Variants in BMPER observed in about 807,000 individuals in gnomAD.
The protein encoded by BMPER is BMP-binding endothelial regulator protein.
Under a neutral mutation model 87.3 loss-of-function variants are expected in BMPER, and 45 were observed. The ratio of observed to expected loss-of-function variants is 0.52; its 90% CI spans 0.41 to 0.66. BMPER has a LOEUF of 0.66. Ranked by LOEUF, BMPER falls within the 30% of genes least tolerant of loss-of-function variation. The pLI, the probability that BMPER is intolerant of heterozygous loss-of-function variation, is 0.00. For missense variants in BMPER, 784 were observed against 867.5 expected (o/e 0.90, Z 1.21); for synonymous variants, 326 against 316.2 (o/e 1.03, Z -0.33).
At chr7:34,131,468 CT>C (rs1382169790) in intron 13 of BMPER, among the ~76,000 whole-genome samples, 4 of 152,164 alleles carry the variant, frequency 2.6e-5, no homozygotes, top group Non-Finnish European at 5.9e-5. Flanking sequence ...CTCTGCCGCC[CT>C]TTGATTAATG....
chr7:34,083,708 G>A lies in BMPER; in HGVS notation c.1409-2048G>A, dbSNP rs372657080. On this transcript the variant is annotated intron_variant, in intron 12 of 14. Transcript: ENST00000649409. ...GTATTGGCTTAGGAGTCTTACCTCT[G>A]GGTGTTTCTTCCTGATCTTCCACAC... Among the ~76,000 whole-genome samples, 4 of 152,176 alleles carry A rather than the reference G, an allele frequency of 2.6e-5. No homozygotes were observed. The South Asian group carries it at 8.3e-4, about 32-fold the overall frequency.
chr7:34,153,049 G>A (rs533518825), intron 14 of BMPER, 43 bp from the exon 15 acceptor site: 323 of 1,609,680 alleles, frequency 2.0e-4, no homozygotes, highest in Non-Finnish European at 2.6e-4. Context: ...GAATTAATGG[G>A]GCCTTTCTCC....
intron 3 of BMPER, among the ~76,000 whole-genome samples, chr7:33,960,998 A>G (rs1562654395): frequency 1.3e-5 from 2 of 152,180 alleles, no homozygotes; most frequent in Non-Finnish European, 2.9e-5. Context: ...TGAGTCTTGA[A>G]AAAGGATGAG....
chr7:34,016,921 A>C (rs1304336199), intron 6 of BMPER, among the ~76,000 whole-genome samples: 1 of 151,948 alleles, frequency 6.6e-6, no homozygotes, highest in Non-Finnish European at 1.5e-5. Flanking sequence ...TTTTATTAGA[A>C]GGAACACAAA....
intron 3 of BMPER, 83 bp downstream of exon 3, chr7:33,937,471 C>T: frequency 7.0e-7 from 1 of 1,430,098 alleles, no homozygotes; most frequent in Non-Finnish European, 9.8e-7. Context: ...CCTTTTCACT[C>T]AGCTTTTGGC....
chr7:33,922,084 C>T (rs1166713193), intron 2 of BMPER: 1 of 313,972 alleles, frequency 3.2e-6, no homozygotes, highest in Non-Finnish European at 6.4e-6. Flanking sequence ...CCTTTCTTTC[C>T]CTGCTGAGGG....
intron 6 of BMPER, among the ~76,000 whole-genome samples, chr7:33,979,150 C>T (rs920205347): frequency 5.3e-5 from 8 of 152,000 alleles, no homozygotes; most frequent in African/African-American, 7.2e-5. Flanking sequence ...AATATGTATG[C>T]GTATATGTGC....
chr7:34,019,783 A>G (rs1193980296), intron 6 of BMPER, among the ~76,000 whole-genome samples: 18 of 151,952 alleles, frequency 1.2e-4, no homozygotes, highest in Non-Finnish European at 1.0e-4. Flanking sequence ...ACTAGCAATT[A>G]CAGAGTAGCA....
chr7:33,984,036 T>C (rs750517766), intron 6 of BMPER, among the ~76,000 whole-genome samples: 3 of 152,200 alleles, frequency 2.0e-5, no homozygotes, highest in Non-Finnish European at 4.4e-5. Flanking sequence ...ATATCTGTTA[T>C]CCTCAGGTAA....
At chr7:34,107,547 G>A (rs10271544) in intron 13 of BMPER, among the ~76,000 whole-genome samples, 81,960 of 151,980 alleles carry the variant, frequency 0.54, 23,044 homozygotes, top group East Asian at 0.79. Context: ...TATGTAATTT[G>A]GATTTCGAGT....
chr7:34,147,169 C>T (rs1791050269), intron 14 of BMPER, among the ~76,000 whole-genome samples: 1 of 152,126 alleles, frequency 6.6e-6, no homozygotes, highest in African/African-American at 2.4e-5. Context: ...CTCTGCAAAC[C>T]CCAGATGGTT....
intron 6 of BMPER, among the ~76,000 whole-genome samples, chr7:34,023,127 G>C (rs1377446603): frequency 1.3e-5 from 2 of 151,994 alleles, no homozygotes; most frequent in Non-Finnish European, 2.9e-5. Flanking sequence ...TCATGTTGTA[G>C]GCCTTCAAAT....
intron 6 of BMPER, among the ~76,000 whole-genome samples, chr7:34,011,251 A>G (rs1164442689): frequency 1.3e-5 from 2 of 151,958 alleles, no homozygotes; most frequent in East Asian, 3.9e-4. Flanking sequence ...ATTCTGACTC[A>G]GTAGGTCTGG....
intron 2 of BMPER, among the ~76,000 whole-genome samples, chr7:33,934,821 G>A (rs1320380985): frequency 6.6e-6 from 1 of 152,212 alleles, no homozygotes; most frequent in Non-Finnish European, 1.5e-5. Flanking sequence ...GGCTAAGGCC[G>A]CAGCCAGGTT....
intron 14 of BMPER, among the ~76,000 whole-genome samples, chr7:34,149,789 A>C (rs1791125011): frequency 6.6e-6 from 1 of 151,680 alleles, no homozygotes; most frequent in Admixed American, 6.6e-5. Context: ...ACATTAGTGA[A>C]AACTTTGGAG....
chr7:34,033,478 G>C (rs527836451), intron 6 of BMPER, among the ~76,000 whole-genome samples: 1 of 151,908 alleles, frequency 6.6e-6, no homozygotes, highest in East Asian at 1.9e-4. Context: ...TGGATTTCCT[G>C]GTTAAAAAAA....
At chr7:34,036,099 C>T (rs1296075142) in intron 6 of BMPER, among the ~76,000 whole-genome samples, 2 of 152,114 alleles carry the variant, frequency 1.3e-5, no homozygotes, top group African/African-American at 2.4e-5. Context: ...AGGAATGGCT[C>T]ATAACTCATA....
In BMPER at chr7:34,055,317, C is replaced by T; in HGVS notation, c.927+14C>T. On this transcript the variant is annotated intron_variant, in intron 9 of 14. Coordinates refer to ENST00000649409, the MANE Select transcript of BMPER (RefSeq NM_001365308.1). ...AAGATTTTCCAGGTATGTCATGAGA[C>T]AAGCACATGGGAACTCCTGTATTAC... 9 of 1,613,738 alleles carry T rather than the reference C, an allele frequency of 5.6e-6. No individual in the cohort carries two copies. Among genetic ancestry groups the T allele is most frequent in the Non-Finnish European group, 6.8e-6 (8 of 1,179,950 alleles).
chr7:34,110,152 A>G (rs1789922202), intron 13 of BMPER, among the ~76,000 whole-genome samples: 6 of 152,112 alleles, frequency 3.9e-5, no homozygotes, highest in Admixed American at 3.9e-4. Context: ...GCGTGTATCC[A>G]TTGGCTGTGC....
Sources: gnomAD v4.1 joint callset for allele counts (sites outside exome capture counted in the v4.1 genomes callset) on GRCh38, gnomAD v4.1.1 for gene constraint, MANE v1.5 for transcripts, NCBI Gene and HGNC (gene_info 2026-07-23, HGNC 2026-07-21) for gene names.